SGCE: variants seen among roughly 807,000 people sequenced by gnomAD.
The protein encoded by SGCE is sarcoglycan epsilon.
Under a neutral mutation model 57.8 loss-of-function variants are expected in SGCE, and 26 were observed. That is an observed-to-expected ratio of 0.45 (90% CI 0.33 to 0.62). The LOEUF is 0.62. Ranked by LOEUF, SGCE falls within the 20% of genes least tolerant of loss-of-function variation. The probability of loss-of-function intolerance (pLI) is 0.02; values close to 1 mark genes in which losing one functional copy is unlikely to be tolerated. For missense variants in SGCE, 468 were observed against 548.6 expected, an observed-to-expected ratio of 0.85 and a Z score of 1.47; for synonymous variants, 183 against 189.5, an observed-to-expected ratio of 0.97 and a Z score of 0.28.
In SGCE at chr7:94,585,278, T is replaced by C. The variant is rs1033570417; in HGVS notation, c.*221A>G. On this transcript the variant is annotated 3_prime_UTR_variant, in exon 11 of 11. Transcript: ENST00000648936. ...AGATCAACTTTTATTGTAACAAATA[T>C]AAAGTCATCAATGTTTTACAAATTG... The C allele has an allele frequency of 3.5e-5, 17 of 486,310 alleles. No individual in the cohort carries two copies. Among genetic ancestry groups the C allele is most frequent in the Middle Eastern group, 5.3e-4 (1 of 1,874 alleles). The allele number at this position is 486,310 out of a possible 1,614,324, so 30.1% of individuals were successfully genotyped here.
At chr7:94,623,427 A>ACATTTCACTTCTTTAATATG in intron 3 of SGCE, 30 bp from the exon 4 acceptor site, 1 of 1,367,764 alleles carries the variant, frequency 7.3e-7, no homozygotes, top group Non-Finnish European at 1.0e-6. Context: ...ATATTAAAGA[A>ACATTTCACTTCTTTAATATG]GTGAAATGTT....
At chr7:94,637,715 A>G (rs763948152) in intron 1 of SGCE, among the ~76,000 whole-genome samples, 6 of 152,198 alleles carry the variant, frequency 3.9e-5, no homozygotes, top group Non-Finnish European at 8.8e-5. Flanking sequence ...TCAAACAGCA[A>G]GAGGAGAGAG....
chr7:94,646,673 TA>T (rs35710037), intron 1 of SGCE, among the ~76,000 whole-genome samples: 19,463 of 152,124 alleles, frequency 0.13, 1,505 homozygotes, highest in South Asian at 0.25. Context: ...GGAAAAGGAT[TA>T]AAAAGCCAAG....
At chr7:94,647,475 C>A (rs1483957696) in intron 1 of SGCE, among the ~76,000 whole-genome samples, 7 of 152,176 alleles carry the variant, frequency 4.6e-5, no homozygotes, top group Admixed American at 4.6e-4. Context: ...CTATTCTGAC[C>A]CCTCCAACCT....
chr7:94,626,202 TA>T (rs1169548486), intron 3 of SGCE: 3 of 152,090 alleles, frequency 2.0e-5, no homozygotes, highest in African/African-American at 7.2e-5. Flanking sequence ...GTGTTGAAAA[TA>T]TCTTCTCCCA....
intron 9 of SGCE, among the ~76,000 whole-genome samples, chr7:94,591,843 GAGA>G (rs1214715542): frequency 1.3e-5 from 2 of 152,172 alleles, no homozygotes; most frequent in Non-Finnish European, 1.5e-5. Context: ...AAGAAATTCG[GAGA>G]AGATGCATAA....
chr7:94,607,148 T>C (rs1039812362), intron 5 of SGCE, among the ~76,000 whole-genome samples: 2 of 151,918 alleles, frequency 1.3e-5, no homozygotes. Flanking sequence ...GGAAATTGAA[T>C]CAATAATTAA....
At chr7:94,655,482 T>A (rs1218100539) in intron 1 of SGCE, among the ~76,000 whole-genome samples, 3 of 152,054 alleles carry the variant, frequency 2.0e-5, no homozygotes, top group African/African-American at 7.2e-5. Context: ...ATTCGGTGTT[T>A]TAAATGTCAC....
chr7:94,628,163 C>CAT (rs779667091), intron 3 of SGCE, 39 bp downstream of exon 3: 44 of 1,437,872 alleles, frequency 3.1e-5, no homozygotes, highest in South Asian at 1.3e-4. Flanking sequence ...CACACACACA[C>CAT]ATATATGTAT....
intron 3 of SGCE, chr7:94,624,087 G>A (rs185405680): frequency 1.7e-3 from 670 of 393,644 alleles, no homozygotes; most frequent in Non-Finnish European, 2.6e-3. Context: ...CCAACAACAG[G>A]ATATGGCTTC....
chr7:94,624,338 T>C (rs1402230028), intron 3 of SGCE: 1 of 397,186 alleles, frequency 2.5e-6, no homozygotes, highest in African/African-American at 2.1e-5. Context: ...TTTTATACAT[T>C]ACATGTGTCA....
chr7:94,589,393 C>T (rs1326232333), intron 9 of SGCE: 4 of 155,570 alleles, frequency 2.6e-5, no homozygotes, highest in Non-Finnish European at 5.7e-5. Flanking sequence ...CATCATTTCT[C>T]ACTTGGATCC....
intron 5 of SGCE, among the ~76,000 whole-genome samples, chr7:94,606,262 C>T (rs1269313495): frequency 6.6e-6 from 1 of 152,096 alleles, no homozygotes; most frequent in Non-Finnish European, 1.5e-5. Context: ...GACACATATA[C>T]ATTAAAAGTA....
chr7:94,595,494 A>T (rs1798253475), intron 9 of SGCE, among the ~76,000 whole-genome samples: 1 of 152,172 alleles, frequency 6.6e-6, no homozygotes, highest in Admixed American at 6.5e-5. Flanking sequence ...GAATGTGAAG[A>T]TGAAATGCAT....
At chr7:94,608,895 T>C (rs1800573782) in intron 5 of SGCE, among the ~76,000 whole-genome samples, 1 of 152,176 alleles carries the variant, frequency 6.6e-6, no homozygotes, top group Non-Finnish European at 1.5e-5. Context: ...TAGATACATA[T>C]GCCCTTCACA....
chr7:94,639,310 A>G (rs1022047051), intron 1 of SGCE: 5 of 1,329,498 alleles, frequency 3.8e-6, no homozygotes, highest in African/African-American at 1.5e-5. Context: ...TGGCTCCCCC[A>G]AAGGGATTTA....
intron 9 of SGCE, chr7:94,590,984 T>C (rs1359159027): frequency 1.3e-5 from 2 of 152,178 alleles, no homozygotes; most frequent in Non-Finnish European, 2.9e-5. Context: ...AAGATATTAC[T>C]AGGGAAATAA....
At chr7:94,623,628 CAGAA>C (rs371755128) in intron 3 of SGCE, 10 of 500,532 alleles carry the variant, frequency 2.0e-5, no homozygotes, top group African/African-American at 1.6e-4. Flanking sequence ...AAGTTAAAAT[CAGAA>C]AGACTCTTTC....
At chr7:94,645,464 C>G (rs1175899103) in intron 1 of SGCE, among the ~76,000 whole-genome samples, 2 of 152,182 alleles carry the variant, frequency 1.3e-5, no homozygotes, top group East Asian at 3.9e-4. Flanking sequence ...GGACTGTTTA[C>G]CCCAACCTCT....
Sources: gnomAD v4.1 joint callset for allele counts (sites outside exome capture counted in the v4.1 genomes callset) on GRCh38, gnomAD v4.1.1 for gene constraint, MANE v1.5 for transcripts, NCBI Gene and HGNC (gene_info 2026-07-23, HGNC 2026-07-21) for gene names.